KHDRBS2: variants seen among roughly 807,000 people sequenced by gnomAD.
The protein encoded by KHDRBS2 is KH domain-containing, RNA-binding, signal transduction-associated protein 2.
A neutral mutation model predicts 44.3 loss-of-function variants in KHDRBS2; 26 were observed. The observed-to-expected ratio is 0.59, with a 90% confidence interval of 0.43 to 0.81. The LOEUF is 0.81. Among genes scored for constraint, KHDRBS2 ranks in the 40% least tolerant of loss-of-function variants. The pLI is 0.00. For synonymous variants in KHDRBS2, 194 were observed against 151.1 expected (o/e 1.28, Z -2.08); for missense variants, 476 against 433.1 (o/e 1.10, Z -0.88).
chr6:62,134,217 A>G (rs1810991708), intron 2 of KHDRBS2, among the ~76,000 whole-genome samples: 3 of 152,136 alleles, frequency 2.0e-5, no homozygotes. Flanking sequence ...TGTGCAGCCT[A>G]GGGACTTGGT....
the KHDRBS2 span, among the ~76,000 whole-genome samples, chr6:61,626,926 G>T: frequency 0.83 from 125,532 of 151,938 alleles, 52,116 homozygotes; most frequent in Non-Finnish European, 0.87. Context: ...AAAGAGCTAA[G>T]AGTTACCTCA....
the KHDRBS2 span, among the ~76,000 whole-genome samples, chr6:61,557,589 T>A: frequency 6.6e-6 from 1 of 152,202 alleles, no homozygotes; most frequent in Admixed American, 6.5e-5. Flanking sequence ...GGCCTGTAGT[T>A]TTCTTTTTTT....
intron 6 of KHDRBS2, among the ~76,000 whole-genome samples, chr6:61,735,297 C>T (rs1295460628): frequency 6.6e-6 from 1 of 151,996 alleles, no homozygotes; most frequent in African/African-American, 2.4e-5. Context: ...CAAATTAGTT[C>T]CAGAAACATG....
At chr6:61,587,604 A>G in the KHDRBS2 span, among the ~76,000 whole-genome samples, 1 of 152,132 alleles carries the variant, frequency 6.6e-6, no homozygotes, top group African/African-American at 2.4e-5. Flanking sequence ...TCAGTCTAAT[A>G]CAATACTAGC....
intron 4 of KHDRBS2, among the ~76,000 whole-genome samples, chr6:61,968,641 A>G (rs1208292331): frequency 6.6e-6 from 1 of 152,078 alleles, no homozygotes; most frequent in African/African-American, 2.4e-5. Flanking sequence ...TTCTCTAAAT[A>G]CAGAGAAGCC....
At chr6:61,577,420 G>A in the KHDRBS2 span, among the ~76,000 whole-genome samples, 24 of 152,178 alleles carry the variant, frequency 1.6e-4, no homozygotes, top group South Asian at 1.9e-3. Context: ...GGCCTACACC[G>A]TGTCAGAGAC....
chr6:61,740,623 G>A (rs1362501860), intron 6 of KHDRBS2, among the ~76,000 whole-genome samples: 1 of 151,768 alleles, frequency 6.6e-6, no homozygotes, highest in Non-Finnish European at 1.5e-5. Context: ...TCTAACATCT[G>A]AATTACCCAT....
At chr6:61,893,067 C>A (rs553138131) in intron 6 of KHDRBS2, among the ~76,000 whole-genome samples, 1 of 152,050 alleles carries the variant, frequency 6.6e-6, no homozygotes, top group South Asian at 2.1e-4. Flanking sequence ...AAAAAAACAA[C>A]CCCATCAACA....
At chr6:61,840,039 A>G (rs969769886) in intron 6 of KHDRBS2, among the ~76,000 whole-genome samples, 2 of 152,058 alleles carry the variant, frequency 1.3e-5, no homozygotes, top group African/African-American at 4.8e-5. Context: ...TACCTTTTAT[A>G]ATAATATTTG....
intron 3 of KHDRBS2, among the ~76,000 whole-genome samples, chr6:62,040,584 T>C (rs1786262606): frequency 6.6e-6 from 1 of 152,022 alleles, no homozygotes; most frequent in South Asian, 2.1e-4. Flanking sequence ...TTTGGTGAAT[T>C]CTTTGCTCGC....
At chr6:61,740,808 G>A (rs1029634075) in intron 6 of KHDRBS2, among the ~76,000 whole-genome samples, 18 of 151,890 alleles carry the variant, frequency 1.2e-4, no homozygotes, top group Non-Finnish European at 1.9e-4. Flanking sequence ...ACAGGTAACC[G>A]TGATACGATT....
intron 2 of KHDRBS2, among the ~76,000 whole-genome samples, chr6:62,097,544 A>G (rs190859687): frequency 1.4e-4 from 22 of 152,152 alleles, no homozygotes; most frequent in Admixed American, 3.9e-4. Flanking sequence ...AAGCATAGCT[A>G]ATCCAGCTCT....
chr6:61,626,044 A>G, the KHDRBS2 span, among the ~76,000 whole-genome samples: 2 of 152,232 alleles, frequency 1.3e-5, no homozygotes, highest in Admixed American at 1.3e-4. Flanking sequence ...TCCATAATCT[A>G]TTAATGAAGT....
At chr6:62,036,776 A>G (rs1785367449) in intron 3 of KHDRBS2, among the ~76,000 whole-genome samples, 1 of 151,972 alleles carries the variant, frequency 6.6e-6, no homozygotes, top group Non-Finnish European at 1.5e-5. Flanking sequence ...TTGCCCAGTA[A>G]TCTCAAGCAA....
chr6:61,791,293 TC>T (rs1309271997), intron 6 of KHDRBS2, among the ~76,000 whole-genome samples: 2 of 151,430 alleles, frequency 1.3e-5, no homozygotes, highest in Non-Finnish European at 3.0e-5. Context: ...GGACCGATTT[TC>T]TTTTCTTCAT....
chr6:61,597,277 A>C, the KHDRBS2 span, among the ~76,000 whole-genome samples: 1 of 152,302 alleles, frequency 6.6e-6, no homozygotes, highest in Admixed American at 6.5e-5. Context: ...AATGCCAGAA[A>C]GTTGTACTTT....
At chr6:62,068,622 G>A (rs528495462) in intron 2 of KHDRBS2, among the ~76,000 whole-genome samples, 5 of 151,620 alleles carry the variant, frequency 3.3e-5, no homozygotes, top group East Asian at 2.0e-4. Context: ...GAATCATATA[G>A]TTTTAACTCA....
chr6:61,705,383 T>C (rs1473171383), intron 7 of KHDRBS2, among the ~76,000 whole-genome samples: 3 of 151,840 alleles, frequency 2.0e-5, no homozygotes, highest in Non-Finnish European at 2.9e-5. Context: ...AAAAAATATA[T>C]ATTTAATGCT....
intron 6 of KHDRBS2, among the ~76,000 whole-genome samples, chr6:61,804,382 C>T (rs1175335634): frequency 6.6e-6 from 1 of 152,154 alleles, no homozygotes; most frequent in Non-Finnish European, 1.5e-5. Flanking sequence ...CAGCTGTGTT[C>T]ATGGGCTGGC....
Sources: gnomAD v4.1 joint callset for allele counts (sites outside exome capture counted in the v4.1 genomes callset) on GRCh38, gnomAD v4.1.1 for gene constraint, MANE v1.5 for transcripts, NCBI Gene and HGNC (gene_info 2026-07-23, HGNC 2026-07-21) for gene names.